ARHGEF18: variants seen among roughly 807,000 people sequenced by gnomAD.
ARHGEF18 encodes the protein rho guanine nucleotide exchange factor 18.
Under a neutral mutation model 155.7 loss-of-function variants are expected in ARHGEF18, and 93 were observed. That is an observed-to-expected ratio of 0.60 (90% CI 0.50 to 0.71). The LOEUF is 0.71. ARHGEF18 is among the 30% of genes least tolerant of loss of function. The probability of loss-of-function intolerance (pLI) is 0.00; values close to 1 mark genes in which losing one functional copy is unlikely to be tolerated. For synonymous variants in ARHGEF18, 742 were observed against 753.1 expected (o/e 0.99, Z 0.24); for missense variants, 1,593 against 1,816.1 (o/e 0.88, Z 2.23).
At position 7,442,541 on chromosome 19, in the gene ARHGEF18, T is replaced by TGTCTTTCTCTGTC. The variant is rs1323682261; in HGVS notation, c.1360+499_1360+500insGTCGTCTTTCTCT. Among the ~76,000 whole-genome samples the TGTCTTTCTCTGTC allele has an allele frequency of 4.6e-4, 70 of 152,324 alleles. No individual in the cohort carries two copies. In the East Asian group the frequency reaches 5.2e-3, roughly 11 times the overall value. On this transcript the variant is annotated intron_variant, in intron 13 of 28. Coordinates refer to ENST00000668164, the MANE Select transcript of ARHGEF18 (RefSeq NM_001367823.1). The stretch of plus-strand genomic sequence containing the variant: ...TGAGCCACGGTGCCTGGCCTCTCTC[T>TGTCTTTCTCTGTC]GTCTTTCTCTCTCCTCTCTTGGTGC...
Position 7,376,745 on chromosome 19 carries a change from C to T in ARHGEF18, c.529C>T (p.Pro177Ser), listed in dbSNP as rs1970477696. Residue 177 changes from proline to serine, a missense_variant, in exon 5 of 29, where the codon CCA becomes TCA. Pro to Ser is a moderately conservative substitution (Grantham distance 74). Transcript: ENST00000668164. ...CTCTCCGGGTTTGGAAGTGCCCACT[C>T]CACCTGTTCAAGGTAGCCAGCCTGG... is the stretch of plus-strand genomic sequence containing the variant. ...EISPGLEVPTPPVQGLEPPVL... is the reference protein window; with the variant it reads ...EISPGLEVPTSPVQGLEPPVL... 2.4e-6 allele frequency: 3 copies of T among 1,234,432 alleles called. No individual in the cohort carries two copies. Among genetic ancestry groups the T allele is most frequent in the African/African-American group, 3.1e-5 (2 of 64,622 alleles). The allele number at this position is 1,234,432 out of a possible 1,614,324, so 76.5% of individuals were successfully genotyped here. A position where few individuals can be genotyped will look rare whatever the true frequency, so the allele number is the denominator to read the frequency against.
intron 10 of ARHGEF18, among the ~76,000 whole-genome samples, chr19:7,398,823 T>C (rs909335999): frequency 6.6e-5 from 10 of 151,862 alleles, no homozygotes; most frequent in African/African-American, 2.4e-4. Context: ...CTGGCATAGC[T>C]GTAGTATAAT....
intron 10 of ARHGEF18, among the ~76,000 whole-genome samples, chr19:7,404,953 G>T (rs886733348): frequency 2.7e-5 from 4 of 147,796 alleles, no homozygotes; most frequent in African/African-American, 1.1e-4. Flanking sequence ...ACAGACTCGG[G>T]TGCTTTATTT....
intron 1 of ARHGEF18, among the ~76,000 whole-genome samples, chr19:7,353,969 A>AG (rs1293671462): frequency 1.3e-5 from 2 of 148,278 alleles, no homozygotes; most frequent in Admixed American, 6.7e-5. Context: ...AAAAAAAAAA[A>AG]AAGAAAGAAA....
Position 7,375,765 on chromosome 19 carries a change from C to T in ARHGEF18, c.321C>T (p.Pro107=). The T allele has an allele frequency of 1.6e-6, 2 of 1,234,560 alleles. No individual in the cohort carries two copies. The highest frequency in any genetic ancestry group is 2.0e-6 in the Non-Finnish European group (2 of 988,314). The allele number at this position is 1,234,560 out of a possible 1,614,324, so 76.5% of individuals were successfully genotyped here. ...ASAVDEEPCL[P]RTLASLALNL... ...CTGTGGATGAGGAACCCTGTCTCCC[C>T]CGAACACTGGCCAGCCTTGCTTTGA... The change falls in exon 4 of 29, where the codon CCC becomes CCT. Residue 107 remains proline, a synonymous_variant. Transcript: ENST00000668164.
At chr19:7,466,836 A>AAAGGAAGTAG in intron 23 of ARHGEF18, 82 bp from the exon 24 acceptor site, 1 of 1,094,034 alleles carries the variant, frequency 9.1e-7, no homozygotes, top group Non-Finnish European at 1.3e-6. Flanking sequence ...AGTTAAAAAA[A>AAAGGAAGTAG]AAGAAGAAGA....
intron 10 of ARHGEF18, among the ~76,000 whole-genome samples, chr19:7,393,802 T>A (rs780321618): frequency 4.1e-5 from 6 of 147,762 alleles, no homozygotes; most frequent in Non-Finnish European, 7.4e-5. Flanking sequence ...ATTGGGGTTA[T>A]CTAGTATGTG....
intron 3 of ARHGEF18, among the ~76,000 whole-genome samples, chr19:7,375,239 T>TCCA (rs1263530137): frequency 3.0e-5 from 4 of 135,102 alleles, no homozygotes; most frequent in Non-Finnish European, 4.6e-5. Context: ...GCCACTGCAC[T>TCCA]CCAGCCTGGG....
At chr19:7,434,830 A>G (rs896763212) in intron 10 of ARHGEF18, among the ~76,000 whole-genome samples, 2 of 152,162 alleles carry the variant, frequency 1.3e-5, no homozygotes, top group East Asian at 1.9e-4. Flanking sequence ...CAGACCATAC[A>G]ATGCACCCAT....
chr19:7,409,954 T>A lies in ARHGEF18; in HGVS notation c.967+26751T>A, dbSNP rs1327985189. 2.8e-5 allele frequency among the ~76,000 whole-genome samples: 4 copies of A among 144,284 alleles called. No homozygotes were observed. In the Admixed American group the frequency reaches 2.8e-4, roughly 10 times the overall value. The allele number at this position is 144,284 out of a possible 152,430, so 94.7% of individuals were successfully genotyped here. ...ACACCCGGCTAATTTTTTTTGTATTTTTTTTTTTTTTTTTTAGCAGAGATG... is the reference window on the plus strand; with the variant it reads ...ACACCCGGCTAATTTTTTTTGTATTATTTTTTTTTTTTTTTAGCAGAGATG... On this transcript the variant is annotated intron_variant, in intron 10 of 28. Coordinates refer to ENST00000668164, the MANE Select transcript of ARHGEF18 (RefSeq NM_001367823.1).
intron 10 of ARHGEF18, among the ~76,000 whole-genome samples, chr19:7,419,802 G>C (rs1253643259): frequency 6.6e-6 from 1 of 151,916 alleles, no homozygotes; most frequent in African/African-American, 2.4e-5. Context: ...GCCCATGCAG[G>C]TGGCCCTTAC....
intron 10 of ARHGEF18, chr19:7,439,719 G>C: frequency 7.6e-7 from 1 of 1,309,734 alleles, no homozygotes; most frequent in Middle Eastern, 3.0e-4. Flanking sequence ...CTGGGTCTTA[G>C]AGTCACCCTA....
intron 1 of ARHGEF18, among the ~76,000 whole-genome samples, chr19:7,360,710 G>A (rs1969511107): frequency 6.6e-6 from 1 of 152,214 alleles, no homozygotes. Flanking sequence ...GCTGAGGAAT[G>A]GGACTGCCTT....
In ARHGEF18 at chr19:7,413,274, A is replaced by C. The variant is rs1471631308; in HGVS notation, c.968-27070A>C. 2.0e-5 allele frequency among the ~76,000 whole-genome samples: 3 copies of C among 150,634 alleles called. 1 individual carries two copies. The highest frequency in any genetic ancestry group is 4.2e-4 in the South Asian group (2 of 4,762). On this transcript the variant is annotated intron_variant, in intron 10 of 28. Coordinates refer to ENST00000668164, the MANE Select transcript of ARHGEF18 (RefSeq NM_001367823.1). ...CGGCAAGACCCTGTCTCTACCAAAA[A>C]AAACACAAAAAACAAAAAGCTTTTT...
At chr19:7,378,273 C>A in intron 5 of ARHGEF18, 121 bp from the exon 6 acceptor site, 1 of 633,882 alleles carries the variant, frequency 1.6e-6, no homozygotes. Context: ...AGTACAGGCC[C>A]TGTCTGCATG....
intron 10 of ARHGEF18, among the ~76,000 whole-genome samples, chr19:7,398,766 T>G (rs1192576697): frequency 6.6e-5 from 10 of 152,180 alleles, no homozygotes; most frequent in Admixed American, 5.9e-4. Context: ...TTAAATCGAC[T>G]TGAGAATGTC....
the ARHGEF18 span, chr19:7,478,241 G>C: frequency 1.3e-6 from 2 of 1,505,174 alleles, no homozygotes; most frequent in East Asian, 2.4e-5. Context: ...CCTGCACAGG[G>C]GTGGCTGCGA....
At chr19:7,450,849 A>T (rs1975377856) in intron 15 of ARHGEF18, among the ~76,000 whole-genome samples, 1 of 144,018 alleles carries the variant, frequency 6.9e-6, no homozygotes, top group African/African-American at 2.6e-5. Context: ...CGAGATGTTA[A>T]TGCGGCGTCT....
At chr19:7,410,591 T>C (rs1281507124) in intron 10 of ARHGEF18, among the ~76,000 whole-genome samples, 1 of 151,764 alleles carries the variant, frequency 6.6e-6, no homozygotes, top group Non-Finnish European at 1.5e-5. Flanking sequence ...TGGCAGATCA[T>C]CTGAGGTCAG....
Sources: allele counts gnomAD v4.1 joint callset (sites outside exome capture counted in the v4.1 genomes callset), GRCh38; gene constraint gnomAD v4.1.1; transcripts MANE v1.5; gene names NCBI Gene and HGNC (gene_info 2026-07-23, HGNC 2026-07-21).